Variants in SOBP observed in about 807,000 individuals in gnomAD.
SOBP encodes sine oculis binding protein homolog.
A neutral mutation model predicts 53.6 loss-of-function variants in SOBP; 4 were observed. That is an observed-to-expected ratio of 0.07 (90% CI 0.04 to 0.17). The LOEUF is 0.17. Ranked by LOEUF, SOBP falls within the 10% of genes least tolerant of loss-of-function variation. The pLI, the probability that SOBP is intolerant of heterozygous loss-of-function variation, is 1.00. For missense variants in SOBP, 1,088 were observed against 1,204.7 expected, an observed-to-expected ratio of 0.90 and a Z score of 1.43; for synonymous variants, 584 against 522.6, an observed-to-expected ratio of 1.12 and a Z score of -1.60.
At chr6:107,546,912 A>G (rs958727914) in intron 4 of SOBP, among the ~76,000 whole-genome samples, 1 of 152,186 alleles carries the variant, frequency 6.6e-6, no homozygotes, top group Non-Finnish European at 1.5e-5. Flanking sequence ...AAGACAAGGA[A>G]TAAAGCCCAG....
Position 107,633,731 on chromosome 6 carries a change from C to G in SOBP, c.887C>G (p.Thr296Ser). The G allele has an allele frequency of 6.2e-7, 1 of 1,614,282 alleles. No homozygotes were observed. Among genetic ancestry groups the G allele is most frequent in the Non-Finnish European group, 8.5e-7 (1 of 1,180,058 alleles). Reference protein sequence around the residue: ...KAEGTGVQLLTPDSWNIPLTD... With the variant: ...KAEGTGVQLLSPDSWNIPLTD... Reference sequence around the variant, plus strand: ...GAAGGCACCGGGGTGCAGCTGCTCACTCCAGACTCTTGGAATATCCCGCTA... The same window carrying G: ...GAAGGCACCGGGGTGCAGCTGCTCAGTCCAGACTCTTGGAATATCCCGCTA... The change falls in exon 6 of 7, where the codon ACT becomes AGT. Residue 296 changes from threonine (T) to serine (S), a missense_variant. Around this residue, in one of 6 missense-constraint regions of SOBP, gnomAD observed 211 missense variants for 258.9 expected, o/e 0.82. Transcript: ENST00000317357.
chr6:107,617,370 G>A (rs146273568), intron 5 of SOBP, among the ~76,000 whole-genome samples: 73 of 152,270 alleles, frequency 4.8e-4, no homozygotes, highest in African/African-American at 1.7e-3. Context: ...GAATGTGTGA[G>A]TGTGCTGAAA....
chr6:107,616,084 T>TGGGGGGG (rs576223347), intron 5 of SOBP, among the ~76,000 whole-genome samples: 2 of 62,572 alleles, frequency 3.2e-5, no homozygotes, highest in Non-Finnish European at 6.9e-5. Context: ...GGAAGGGGGG[T>TGGGGGGG]GGGGGGGGGG....
chr6:107,634,921 T>G lies in SOBP; in HGVS notation c.2077T>G (p.Cys693Gly), dbSNP rs932577028. Residue 693 changes from cysteine (C) to glycine (G), a missense_variant, in exon 6 of 7, where the codon TGC (cysteine) becomes GGC (glycine). Coordinates refer to ENST00000317357, the MANE Select transcript of SOBP (RefSeq NM_018013.4). This position sits in a 1 kb window ranked among gnomAD's most constrained non-coding sequence, Gnocchi z 4.5. ...SAAERRTCGG[C>G]RDGHCSPPAA... ...CGCGGAGCGCAGGACCTGCGGCGGCTGCAGGGACGGCCACTGCAGCCCGCC... is the reference window on the plus strand; with the variant it reads ...CGCGGAGCGCAGGACCTGCGGCGGCGGCAGGGACGGCCACTGCAGCCCGCC... 1.7e-6 allele frequency: 2 copies of G among 1,187,822 alleles called. No individual in the cohort carries two copies. The highest frequency in any genetic ancestry group is 7.5e-5 in the Admixed American group (2 of 26,512). The allele number at this position is 1,187,822 out of a possible 1,614,324, so 73.6% of individuals were successfully genotyped here.
Position 107,634,821 on chromosome 6 carries a change from C to T in SOBP, c.1977C>T (p.Gly659=). The change falls in exon 6 of 7, where the codon GGC becomes GGT. Residue 659 remains glycine, a synonymous_variant. Transcript: ENST00000317357. The surrounding 1 kb of genome is among the most constrained non-coding windows in gnomAD (Gnocchi z 4.5). ...PQDGVIDLTV[G]HRARLHNVIH... ...ACGGCGTCATCGACCTGACCGTGGGCCACCGAGCCCGGCTGCACAACGTGA... is the reference window on the plus strand; with the variant it reads ...ACGGCGTCATCGACCTGACCGTGGGTCACCGAGCCCGGCTGCACAACGTGA... 1 of 1,408,436 alleles carries T rather than the reference C, an allele frequency of 7.1e-7. No homozygotes were observed. The highest frequency in any genetic ancestry group is 9.3e-7 in the Non-Finnish European group (1 of 1,078,124). 87.2% of individuals were successfully genotyped at this position (1,408,436 alleles called of 1,614,324 possible). A position where few individuals can be genotyped will look rare whatever the true frequency, so the allele number is the denominator to read the frequency against.
intron 3 of SOBP, among the ~76,000 whole-genome samples, chr6:107,530,693 C>G (rs902528406): frequency 6.6e-6 from 1 of 151,838 alleles, no homozygotes; most frequent in African/African-American, 2.4e-5. Flanking sequence ...GGGCTTTTCC[C>G]AAAGCATATA....
intron 5 of SOBP, among the ~76,000 whole-genome samples, chr6:107,607,682 T>A (rs1383874799): frequency 1.3e-5 from 2 of 152,216 alleles, no homozygotes; most frequent in African/African-American, 4.8e-5. Flanking sequence ...GTGAGGAGTA[T>A]GTGGCTTGAG....
chr6:107,515,027 A>C (rs1012390026), intron 3 of SOBP: 2 of 152,258 alleles, frequency 1.3e-5, no homozygotes, highest in Non-Finnish European at 2.9e-5. Flanking sequence ...AAGTGCTAGG[A>C]AATATGAAAT....
chr6:107,495,200 G>A (rs545879102), intron 1 of SOBP, among the ~76,000 whole-genome samples: 1 of 152,298 alleles, frequency 6.6e-6, no homozygotes, highest in African/African-American at 2.4e-5. Context: ...TGGCAGGGAT[G>A]GGGACTAATG....
intron 4 of SOBP, chr6:107,558,284 C>G (rs752256780): frequency 3.3e-5 from 5 of 151,556 alleles, no homozygotes; most frequent in Non-Finnish European, 5.9e-5. Flanking sequence ...TTTTTCCCCC[C>G]CCGAGACAGA....
chr6:107,615,549 T>C (rs1039351254), intron 5 of SOBP, among the ~76,000 whole-genome samples: 9 of 152,172 alleles, frequency 5.9e-5, no homozygotes, highest in Admixed American at 3.9e-4. Context: ...CAGTGGGCAG[T>C]CCCCTTCTGA....
intron 4 of SOBP, among the ~76,000 whole-genome samples, chr6:107,544,550 C>A (rs1784241753): frequency 6.6e-6 from 1 of 152,170 alleles, no homozygotes. Context: ...GTCAGAAGAT[C>A]TTGAAGCTTC....
At chr6:107,543,359 A>C (rs1355340409) in intron 4 of SOBP, among the ~76,000 whole-genome samples, 2 of 152,186 alleles carry the variant, frequency 1.3e-5, no homozygotes, top group Non-Finnish European at 1.5e-5. Context: ...CATCCTCTGG[A>C]ATGAGTCTCT....
chr6:107,552,202 C>T (rs891257602), intron 4 of SOBP, among the ~76,000 whole-genome samples: 1 of 152,116 alleles, frequency 6.6e-6, no homozygotes, highest in Non-Finnish European at 1.5e-5. Flanking sequence ...CAAGTTAAAC[C>T]GAGCTATGAT....
At chr6:107,631,572 T>C (rs924796328) in intron 5 of SOBP, among the ~76,000 whole-genome samples, 2 of 152,218 alleles carry the variant, frequency 1.3e-5, no homozygotes, top group African/African-American at 2.4e-5. Flanking sequence ...CAGAGGCAAT[T>C]CTGCACTTTT....
chr6:107,567,340 G>A (rs1562620263), intron 4 of SOBP, among the ~76,000 whole-genome samples: 1 of 152,054 alleles, frequency 6.6e-6, no homozygotes, highest in East Asian at 1.9e-4. Context: ...ATGGTACTCA[G>A]CTAAAATCCC....
rs770031820 is a variant in SOBP at position 107,554,864 on chromosome 6, G to C, written c.573+21254G>C. On this transcript the variant is annotated intron_variant, in intron 4 of 6. Transcript: ENST00000317357. ...CTTTCTACAGAGGGCTGGGATGGGGGGTGGGAGGTGGTGGAGAAACTGTTA... is the reference window on the plus strand; with the variant it reads ...CTTTCTACAGAGGGCTGGGATGGGGCGTGGGAGGTGGTGGAGAAACTGTTA... Among the ~76,000 whole-genome samples, 30 of 152,172 alleles carry C rather than the reference G, an allele frequency of 2.0e-4. 1 individual carries two copies. The highest frequency in any genetic ancestry group is 8.8e-5 in the Non-Finnish European group (6 of 68,020).
intron 5 of SOBP, among the ~76,000 whole-genome samples, chr6:107,622,606 C>A (rs967431517): frequency 3.9e-5 from 6 of 152,192 alleles, no homozygotes; most frequent in African/African-American, 1.4e-4. Flanking sequence ...AGAGATCCCA[C>A]TGAGACTTGG....
At chr6:107,549,034 G>C (rs1403296447) in intron 4 of SOBP, among the ~76,000 whole-genome samples, 1 of 152,100 alleles carries the variant, frequency 6.6e-6, no homozygotes, top group Non-Finnish European at 1.5e-5. Flanking sequence ...TTGGGGGGCC[G>C]AGGCGGGCAG....
Sources: allele counts gnomAD v4.1 joint callset (sites outside exome capture counted in the v4.1 genomes callset), GRCh38; gene constraint gnomAD v4.1.1; regional missense constraint gnomAD v4.1.1; non-coding constraint Gnocchi (gnomAD v3.1); transcripts MANE v1.5; gene names NCBI Gene and HGNC (gene_info 2026-07-23, HGNC 2026-07-21).